The following TMPRSS6 variants were observed in gnomAD, a reference collection of about 807,000 sequenced individuals.
The protein encoded by TMPRSS6 is transmembrane protease serine 6.
In TMPRSS6, 67 loss-of-function variants were observed where a neutral mutation model predicts 101.5. The observed-to-expected ratio is 0.66, with a 90% CI of 0.54 to 0.81. TMPRSS6 has a LOEUF of 0.81. TMPRSS6 is among the 30% of genes least tolerant of loss of function. The pLI is 0.00. For missense variants in TMPRSS6, 1,034 were observed against 1,088.7 expected, an observed-to-expected ratio of 0.95 and a Z score of 0.71; for synonymous variants, 453 against 464.9, an observed-to-expected ratio of 0.97 and a Z score of 0.33.
chr22:37,098,640 C>A, intron 2 of TMPRSS6, 91 bp from the exon 3 acceptor site: 1 of 1,583,752 alleles, frequency 6.3e-7, no homozygotes, highest in South Asian at 1.1e-5. Flanking sequence ...CCCACACCCT[C>A]AGCTCAGCCT....
Position 37,066,184 on chromosome 22 carries a change from C to G in TMPRSS6, c.2305G>C (p.Ala769Pro). Reference sequence around the variant, plus strand: ...CCCAGGCCCCAGCTGACCAGCCCCGCCAGGAACCAGCGGCCACTGAGTGCC... The same window carrying G: ...CCCAGGCCCCAGCTGACCAGCCCCGGCAGGAACCAGCGGCCACTGAGTGCC... Reference protein sequence around the residue: ...CKALSGRWFLAGLVSWGLGCG... With the variant: ...CKALSGRWFLPGLVSWGLGCG... Residue 769 changes from alanine (A) to proline (P), a missense_variant, in exon 18 of 18, where the codon GCG (alanine) becomes CCG (proline). Physicochemically the swap from Ala to Pro is conservative, Grantham distance 27 (BLOSUM62 -1). Transcript: ENST00000676104. 1 of 1,613,142 alleles carries G rather than the reference C, an allele frequency of 6.2e-7. No individual in the cohort carries two copies. Among genetic ancestry groups the G allele is most frequent in the Middle Eastern group, 1.6e-4 (1 of 6,062 alleles).
intron 2 of TMPRSS6, among the ~76,000 whole-genome samples, chr22:37,099,226 T>A (rs887324102): frequency 6.6e-6 from 1 of 151,930 alleles, no homozygotes; most frequent in Non-Finnish European, 1.5e-5. Context: ...GGGAGGGAAG[T>A]ACCTTCCAGC....
intron 13 of TMPRSS6, among the ~76,000 whole-genome samples, chr22:37,072,434 T>A (rs1927105563): frequency 7.3e-6 from 1 of 137,320 alleles, no homozygotes; most frequent in Non-Finnish European, 1.5e-5. Context: ...GATGGATTGA[T>A]GGATGATGGA....
intron 15 of TMPRSS6, 103 bp downstream of exon 15, chr22:37,070,379 CCA>C: frequency 6.8e-7 from 1 of 1,473,174 alleles, no homozygotes; most frequent in Non-Finnish European, 9.5e-7. Context: ...GGGGGGTCCA[CCA>C]CCCTTCCCTC....
intron 8 of TMPRSS6, 61 bp downstream of exon 8, chr22:37,086,222 T>A: frequency 1.2e-6 from 2 of 1,610,412 alleles, no homozygotes; most frequent in Admixed American, 1.7e-5. Context: ...GTGAGCCCAG[T>A]GGAGGGCCCT....
chr22:37,097,898 G>A (rs1461857023), intron 3 of TMPRSS6, among the ~76,000 whole-genome samples: 1 of 75,412 alleles, frequency 1.3e-5, no homozygotes, highest in African/African-American at 5.2e-5. Flanking sequence ...GTCCTGTTAC[G>A]GAGGGGGAGG....
intron 3 of TMPRSS6, 24 bp downstream of exon 3, chr22:37,098,392 C>G (rs748869660): frequency 8.1e-6 from 13 of 1,613,944 alleles, no homozygotes; most frequent in Middle Eastern, 1.6e-4. Context: ...TTCCCTCCCT[C>G]TCATCCCCCA....
At chr22:37,109,866 G>A (rs1930960777), upstream of TMPRSS6, among the ~76,000 whole-genome samples, 1 of 152,194 alleles carries the variant, frequency 6.6e-6, no homozygotes, top group African/African-American at 2.4e-5. Context: ...ATGCCTGCCT[G>A]GTTACAGCCC....
rs535595830 is a variant in TMPRSS6, at chr22:37,081,346, G to A, written c.1196+2949C>T. On this transcript the variant is annotated intron_variant, in intron 10 of 17. Transcript: ENST00000676104. ...CTGAGGTTGGGAGATGTAAGTCCTC[G>A]CCCAGGTAGGAAGCAGAGGAGACAG... Among the ~76,000 whole-genome samples the A allele has an allele frequency of 6.2e-4, 95 of 152,258 alleles. 1 individual carries two copies. The highest frequency in any genetic ancestry group is 6.8e-3 in the Middle Eastern group (2 of 294).
chr22:37,104,782 G>A (rs1286618655), intron 1 of TMPRSS6, among the ~76,000 whole-genome samples: 1 of 152,120 alleles, frequency 6.6e-6, no homozygotes. Flanking sequence ...CCAATATGGT[G>A]AAACCCTGTC....
Position 37,074,594 on chromosome 22 carries a change from CG to C in TMPRSS6, c.1441+15del. The C allele has an allele frequency of 1.1e-5, 17 of 1,607,902 alleles. No individual in the cohort carries two copies. Among genetic ancestry groups the C allele is most frequent in the Non-Finnish European group, 1.4e-5 (17 of 1,174,462 alleles). On this transcript the variant is annotated intron_variant, in intron 12 of 17. Transcript: ENST00000676104. Reference sequence around the variant, plus strand: ...GATGGGCAGGGAGAGGAGGGATGCGCGGGCGGGTTACTCACCGCAGTTTCTC... The same window carrying C: ...GATGGGCAGGGAGAGGAGGGATGCGCGGCGGGTTACTCACCGCAGTTTCTC...
intron 7 of TMPRSS6, 38 bp downstream of exon 7, chr22:37,089,520 CCCCATCAACCACTCCCTTTT>C (rs765203405): frequency 2.2e-5 from 33 of 1,497,820 alleles, no homozygotes; most frequent in Non-Finnish European, 1.7e-5. Flanking sequence ...CTTTCAACTC[CCCCATCAACCACTCCCTTTT>C]CCAGCCCTCC....
chr22:37,099,301 G>A (rs989116985), intron 2 of TMPRSS6, among the ~76,000 whole-genome samples: 6 of 152,254 alleles, frequency 3.9e-5, no homozygotes, highest in Admixed American at 3.9e-4. Context: ...CGGGCTGAAA[G>A]CCTGTTTGGC....
intron 10 of TMPRSS6, among the ~76,000 whole-genome samples, chr22:37,081,701 C>G (rs2543522): frequency 3.9e-5 from 6 of 152,136 alleles, no homozygotes; most frequent in African/African-American, 1.4e-4. Flanking sequence ...CCTCACCACC[C>G]AGCCACCGCT....
chr22:37,078,708 AGGAGGAGGCGGAG>A (rs1569005221), intron 10 of TMPRSS6, among the ~76,000 whole-genome samples: 2 of 140,710 alleles, frequency 1.4e-5, no homozygotes, highest in Non-Finnish European at 3.0e-5. Context: ...AGGAAGAGGA[AGGAGGAGGCGGAG>A]GAGAAGAAGA....
At chr22:37,082,739 C>T in intron 10 of TMPRSS6, 1 of 354,884 alleles carries the variant, frequency 2.8e-6, no homozygotes, top group Admixed American at 3.9e-5. Context: ...CATATCACCA[C>T]CAAATGCAAA....
At position 37,070,971 on chromosome 22, in the gene TMPRSS6, G is replaced by C; in HGVS notation, c.1617C>G (p.Asn539Lys). The change falls in exon 14 of 18, where the codon AAC (asparagine) becomes AAG (lysine). Residue 539 changes from asparagine (N) to lysine (K), a missense_variant. By Grantham distance (94) the Asn-to-Lys change is moderately conservative (BLOSUM62 0). Transcript: ENST00000676104. The part of the protein sequence containing the change: ...CEDRSCVKKP[N>K]PQCDGRPDCR... ...AGTCGGGCCGCCCATCACACTGCGGGTTGGGCTTCTTCACGCAGCTCCGGT... is the reference window on the plus strand; with the variant it reads ...AGTCGGGCCGCCCATCACACTGCGGCTTGGGCTTCTTCACGCAGCTCCGGT... 6.2e-7 allele frequency: 1 copy of C among 1,613,316 alleles called. No individual in the cohort carries two copies. The highest frequency in any genetic ancestry group is 8.5e-7 in the Non-Finnish European group (1 of 1,179,938).
At chr22:37,067,436 C>T (rs940022373) in intron 16 of TMPRSS6, among the ~76,000 whole-genome samples, 3 of 152,106 alleles carry the variant, frequency 2.0e-5, no homozygotes, top group African/African-American at 7.2e-5. Flanking sequence ...CATTGCACTC[C>T]AGCCTGGGCA....
In TMPRSS6 at chr22:37,084,830, A is replaced by T; in HGVS notation, c.983T>A (p.Val328Glu). ...VQPVVFQACE[V>E]NLTLDNRLDS... ...GAGCCTGTTGTCCAGCGTCAGGTTCACTTCACAGGCTGGACCAGGAGAGCA... is the reference window on the plus strand; with the variant it reads ...GAGCCTGTTGTCCAGCGTCAGGTTCTCTTCACAGGCTGGACCAGGAGAGCA... The change falls in exon 9 of 18, where the codon GTG (valine) becomes GAG (glutamate). Residue 328 changes from valine (V) to glutamate (E), a missense_variant. Transcript: ENST00000676104. 1 of 1,553,726 alleles carries T rather than the reference A, an allele frequency of 6.4e-7. No individual in the cohort carries two copies. Among genetic ancestry groups the T allele is most frequent in the East Asian group, 2.4e-5 (1 of 41,292 alleles).
Sources: gnomAD v4.1 joint callset for allele counts (sites outside exome capture counted in the v4.1 genomes callset) on GRCh38, gnomAD v4.1.1 for gene constraint, MANE v1.5 for transcripts, NCBI Gene and HGNC (gene_info 2026-07-23, HGNC 2026-07-21) for gene names.